The following GATAD2B variants were observed in gnomAD, a reference collection of about 807,000 sequenced individuals.
GATAD2B encodes GATA zinc finger domain containing 2B.
Under a neutral mutation model 64.3 loss-of-function variants are expected in GATAD2B, and 8 were observed. The observed-to-expected ratio is 0.12, with a 90% CI of 0.07 to 0.22. GATAD2B has a LOEUF of 0.22. Among genes scored for constraint, GATAD2B ranks in the 10% least tolerant of loss-of-function variants. GATAD2B has a pLI of 1.00. For synonymous variants in GATAD2B, 281 were observed against 271.3 expected (o/e 1.04, Z -0.35); for missense variants, 453 against 752.0 (o/e 0.60, Z 4.65).
chr1:153,833,069 T>C (rs1446993779), intron 1 of GATAD2B, among the ~76,000 whole-genome samples: 1 of 152,084 alleles, frequency 6.6e-6, no homozygotes, highest in Non-Finnish European at 1.5e-5. Context: ...AAACTGGGCA[T>C]AGTAGTGCAC....
In GATAD2B at chr1:153,846,971, TTTTA is replaced by T. The variant is rs536227233; in HGVS notation, c.-1-18627_-1-18624del. Among the ~76,000 whole-genome samples the T allele has an allele frequency of 2.1e-5, 3 of 144,664 alleles. No homozygotes were observed. In the East Asian group the frequency reaches 5.8e-4, roughly 28 times the overall value. The allele number at this position is 144,664 out of a possible 152,430, so 94.9% of individuals were successfully genotyped here. A position where few individuals can be genotyped will look rare whatever the true frequency, so the allele number is the denominator to read the frequency against. ...AGTGTGTTACATACAGTCAAAGCTA[TTTTA>T]TTTTATTTTGACGGAGTATTGCTCT... On this transcript the variant is annotated intron_variant, in intron 1 of 10. Coordinates refer to ENST00000368655, the MANE Select transcript of GATAD2B (RefSeq NM_020699.4).
chr1:153,811,343 A>G (rs565381473), intron 10 of GATAD2B, among the ~76,000 whole-genome samples: 1 of 152,354 alleles, frequency 6.6e-6, no homozygotes, highest in African/African-American at 2.4e-5. Context: ...AGGAAGATGA[A>G]TAAGACAGAG....
chr1:153,824,379 C>G (rs565805967), intron 2 of GATAD2B, among the ~76,000 whole-genome samples: 3 of 152,060 alleles, frequency 2.0e-5, no homozygotes, highest in African/African-American at 7.2e-5. Flanking sequence ...CCCATAATCC[C>G]GGCACTTTGG....
At chr1:153,866,091 C>G (rs1676466143) in intron 1 of GATAD2B, among the ~76,000 whole-genome samples, 1 of 151,648 alleles carries the variant, frequency 6.6e-6, no homozygotes, top group African/African-American at 2.4e-5. Flanking sequence ...GTAATCCCAG[C>G]TACTCAGGAG....
intron 1 of GATAD2B, among the ~76,000 whole-genome samples, chr1:153,861,908 G>C (rs1443262508): frequency 6.8e-6 from 1 of 146,954 alleles, no homozygotes; most frequent in Non-Finnish European, 1.5e-5. Context: ...CTAAAGTTTA[G>C]AGAAGGACTG....
At chr1:153,877,112 A>C (rs1379652349) in intron 1 of GATAD2B, among the ~76,000 whole-genome samples, 3 of 152,146 alleles carry the variant, frequency 2.0e-5, no homozygotes, top group Non-Finnish European at 4.4e-5. Flanking sequence ...AGGCAGAAGG[A>C]CTGCTTAAGG....
intron 7 of GATAD2B, 123 bp from the exon 8 acceptor site, chr1:153,813,575 A>G (rs1674362139): frequency 3.0e-6 from 2 of 677,494 alleles, no homozygotes; most frequent in Admixed American, 2.8e-5. Flanking sequence ...TACAAAAAGG[A>G]TATTCTATAA....
In GATAD2B at chr1:153,852,648, C is replaced by A. The variant is rs1372185703; in HGVS notation, c.-1-24300G>T. 3.5e-6 allele frequency: 3 copies of A among 846,574 alleles called. No homozygotes were observed. The Admixed American group carries it at 5.1e-5, about 14-fold the overall frequency. The allele number at this position is 846,574 out of a possible 1,614,324, so 52.4% of individuals were successfully genotyped here. A position where few individuals can be genotyped will look rare whatever the true frequency, so the allele number is the denominator to read the frequency against. ...AAATTCAATCAAGTGAACAGAAGAA[C>A]GGAGCTGAGAAATGGTCTCTTGGCT... is the stretch of plus-strand genomic sequence containing the variant. On this transcript the variant is annotated intron_variant, in intron 1 of 10. Transcript: ENST00000368655.
Position 153,824,769 on chromosome 1 carries a change from AG to A in GATAD2B, c.335+3243del, listed in dbSNP as rs200792581. ...AGGACTGAAAACAGGAAAAAAAAAA[AG>A]AGTGTTAACAAAGTTTCTATGAAAA... is the stretch of plus-strand genomic sequence containing the variant. On this transcript the variant is annotated intron_variant, in intron 2 of 10. Coordinates refer to ENST00000368655, the MANE Select transcript of GATAD2B (RefSeq NM_020699.4). Among the ~76,000 whole-genome samples, 415 of 149,572 alleles carry A rather than the reference AG, an allele frequency of 2.8e-3. 1 individual carries two copies. The highest frequency in any genetic ancestry group is 6.0e-3 in the East Asian group (31 of 5,138).
At chr1:153,832,913 T>C (rs1382116045) in intron 1 of GATAD2B, among the ~76,000 whole-genome samples, 5 of 152,206 alleles carry the variant, frequency 3.3e-5, no homozygotes, top group Admixed American at 6.5e-5. Context: ...AAGACTTTCA[T>C]AGAGAGATGT....
intron 7 of GATAD2B, among the ~76,000 whole-genome samples, chr1:153,814,219 T>C (rs1190045718): frequency 6.6e-6 from 1 of 152,252 alleles, no homozygotes; most frequent in Non-Finnish European, 1.5e-5. Context: ...GATCTATTTA[T>C]AGCTAATACT....
intron 1 of GATAD2B, among the ~76,000 whole-genome samples, chr1:153,854,417 C>T (rs1676012020): frequency 6.6e-6 from 1 of 151,904 alleles, no homozygotes; most frequent in South Asian, 2.1e-4. Context: ...AACAAACAAA[C>T]AAACAAACAA....
chr1:153,823,358 G>C (rs1674750643), intron 2 of GATAD2B, among the ~76,000 whole-genome samples: 3 of 152,206 alleles, frequency 2.0e-5, no homozygotes, highest in South Asian at 4.1e-4. Context: ...CAACTGCTGT[G>C]TCTCTCTAGA....
chr1:153,880,238 G>A (rs943240617), intron 1 of GATAD2B, among the ~76,000 whole-genome samples: 2 of 152,000 alleles, frequency 1.3e-5, no homozygotes, highest in African/African-American at 4.8e-5. Flanking sequence ...GAGGCAGGTG[G>A]ATGACTTGAG....
chr1:153,912,815 G>C (rs1678144554), intron 1 of GATAD2B, among the ~76,000 whole-genome samples: 1 of 152,116 alleles, frequency 6.6e-6, no homozygotes, highest in Non-Finnish European at 1.5e-5. Flanking sequence ...AGGACAGGCT[G>C]GGCACAGTGG....
Position 153,807,734 on chromosome 1 carries a change from A to C in GATAD2B, c.*2443T>G, listed in dbSNP as rs1674153695. 1 of 152,916 alleles carries C rather than the reference A, an allele frequency of 6.5e-6. No individual in the cohort carries two copies. Among genetic ancestry groups the C allele is most frequent in the Non-Finnish European group, 1.5e-5 (1 of 68,286 alleles). The allele number at this position is 152,916 out of a possible 1,614,324, so 9.5% of individuals were successfully genotyped here. A position where few individuals can be genotyped will look rare whatever the true frequency, so the allele number is the denominator to read the frequency against. Reference sequence around the variant, plus strand: ...GGCCTGGCTCCCAGGGAAAGGACTCAGCTCAGGGCAGGGCAGGGACAGCCC... The same window carrying C: ...GGCCTGGCTCCCAGGGAAAGGACTCCGCTCAGGGCAGGGCAGGGACAGCCC... On this transcript the variant is annotated 3_prime_UTR_variant, in exon 11 of 11. Coordinates refer to ENST00000368655, the MANE Select transcript of GATAD2B (RefSeq NM_020699.4).
intron 1 of GATAD2B, among the ~76,000 whole-genome samples, chr1:153,881,125 C>T (rs1299240656): frequency 6.6e-6 from 1 of 152,038 alleles, no homozygotes; most frequent in Non-Finnish European, 1.5e-5. Context: ...CAGGCCTTTC[C>T]CTTTGTGTTC....
intron 1 of GATAD2B, among the ~76,000 whole-genome samples, chr1:153,878,668 C>G (rs528413736): frequency 6.6e-6 from 1 of 152,206 alleles, no homozygotes; most frequent in African/African-American, 2.4e-5. Context: ...TTTGAAAGTT[C>G]CCTCTCATTC....
At chr1:153,916,445 T>A (rs936622516) in intron 1 of GATAD2B, among the ~76,000 whole-genome samples, 2 of 152,180 alleles carry the variant, frequency 1.3e-5, no homozygotes, top group Non-Finnish European at 2.9e-5. Flanking sequence ...GTGACAATGA[T>A]GCTCACATTT....
Sources: allele counts gnomAD v4.1 joint callset (sites outside exome capture counted in the v4.1 genomes callset), GRCh38; gene constraint gnomAD v4.1.1; transcripts MANE v1.5; gene names NCBI Gene and HGNC (gene_info 2026-07-23, HGNC 2026-07-21).